NCOA2: variants seen among roughly 807,000 people sequenced by gnomAD.
The protein encoded by NCOA2 is class E basic helix-loop-helix protein 75.
NCOA2 carries 21 observed loss-of-function variants against 145.1 expected under a neutral mutation model. That is an observed-to-expected ratio of 0.14 (90% CI 0.10 to 0.21). The LOEUF is 0.21. NCOA2 is among the 10% of genes least tolerant of loss of function. The probability of loss-of-function intolerance (pLI) is 1.00; values close to 1 mark genes in which losing one functional copy is unlikely to be tolerated. For missense variants in NCOA2, 1,472 were observed against 1,837.6 expected (o/e 0.80, Z 3.64); for synonymous variants, 619 against 637.5 (o/e 0.97, Z 0.44).
the NCOA2 span, among the ~76,000 whole-genome samples, chr8:70,428,654 T>TA: frequency 5.9e-5 from 9 of 152,064 alleles, no homozygotes; most frequent in Admixed American, 6.6e-5. Flanking sequence ...TGCTGTTATC[T>TA]AAAAAAATTG....
At chr8:70,451,162 A>G in the NCOA2 span, among the ~76,000 whole-genome samples, 1,037 of 140,958 alleles carry the variant, frequency 7.4e-3, 15 homozygotes, top group African/African-American at 0.026. Context: ...AGCTTGCAGT[A>G]AGCTGAGATC....
intron 13 of NCOA2, among the ~76,000 whole-genome samples, chr8:70,142,627 A>G (rs537359748): frequency 6.6e-6 from 1 of 152,274 alleles, no homozygotes; most frequent in South Asian, 2.1e-4. Flanking sequence ...TGAGCCTGGG[A>G]GGTTGAAGCT....
At chr8:70,183,286 T>G (rs73684206) in intron 4 of NCOA2, among the ~76,000 whole-genome samples, 3,451 of 152,284 alleles carry the variant, frequency 0.023, 128 homozygotes, top group African/African-American at 0.079. Context: ...TTCAGAAGAT[T>G]ATGAGTAAGC....
intron 13 of NCOA2, 34 bp from the exon 14 acceptor site, chr8:70,141,433 G>A (rs1381850524): frequency 1.9e-6 from 3 of 1,571,882 alleles, no homozygotes; most frequent in Admixed American, 1.7e-5. Context: ...GAGAGATGCA[G>A]TAACTGAAAA....
At chr8:70,325,163 T>C (rs945279331) in intron 1 of NCOA2, among the ~76,000 whole-genome samples, 8 of 152,346 alleles carry the variant, frequency 5.3e-5, no homozygotes, top group Middle Eastern at 3.4e-3. Flanking sequence ...ATTGTTTCAC[T>C]GTTTACAGAA....
intron 4 of NCOA2, among the ~76,000 whole-genome samples, chr8:70,175,140 T>C (rs1814685072): frequency 6.6e-6 from 1 of 152,220 alleles, no homozygotes. Flanking sequence ...CAGGCATTTT[T>C]TTCTAGATTA....
At chr8:70,237,058 A>G (rs1210142568) in intron 2 of NCOA2, among the ~76,000 whole-genome samples, 2 of 152,242 alleles carry the variant, frequency 1.3e-5, no homozygotes, top group Non-Finnish European at 2.9e-5. Flanking sequence ...CTGATGCACA[A>G]GTACTTAATA....
chr8:70,407,612 C>A (rs533923207), upstream of NCOA2, among the ~76,000 whole-genome samples: 5 of 151,810 alleles, frequency 3.3e-5, no homozygotes, highest in East Asian at 1.9e-4. Flanking sequence ...CATGGTGAAA[C>A]CCCGTCTGTA....
chr8:70,179,664 A>G (rs1350002070), intron 4 of NCOA2, among the ~76,000 whole-genome samples: 2 of 152,206 alleles, frequency 1.3e-5, no homozygotes, highest in Non-Finnish European at 2.9e-5. Context: ...GTCACAAACT[A>G]TATTTACTTT....
chr8:70,116,499 T>C (rs1051951409), intron 22 of NCOA2, among the ~76,000 whole-genome samples: 11 of 148,414 alleles, frequency 7.4e-5, no homozygotes, highest in Non-Finnish European at 1.5e-4. Context: ...TGCAGTGAGC[T>C]AAGATCGCGC....
At chr8:70,127,593 G>A (rs1290852097) in intron 18 of NCOA2, among the ~76,000 whole-genome samples, 1 of 152,170 alleles carries the variant, frequency 6.6e-6, no homozygotes, top group East Asian at 1.9e-4. Context: ...TGGATGAAGG[G>A]AAGGGATCCC....
intron 1 of NCOA2, among the ~76,000 whole-genome samples, chr8:70,382,546 A>G (rs1812299422): frequency 6.6e-6 from 1 of 152,234 alleles, no homozygotes; most frequent in Non-Finnish European, 1.5e-5. Flanking sequence ...TTATCTAGAT[A>G]CAAACAGCAG....
chr8:70,203,341 C>T (rs144566387), intron 4 of NCOA2, among the ~76,000 whole-genome samples: 8 of 151,220 alleles, frequency 5.3e-5, no homozygotes, highest in African/African-American at 1.2e-4. Flanking sequence ...TCTGAAAATA[C>T]GTAAGTCTAA....
At position 70,174,519 on chromosome 8, in the gene NCOA2, T is replaced by C. The variant is rs150478423; in HGVS notation, c.363+237A>G. ...AAATGCTCAACTGGCAATTACAACT[T>C]GTCAATGTCTACTCTAATCTAGTTA... On this transcript the variant is annotated intron_variant, in intron 5 of 22. Coordinates refer to ENST00000452400, the MANE Select transcript of NCOA2 (RefSeq NM_006540.4). 3.8e-3 allele frequency among the ~76,000 whole-genome samples: 585 copies of C among 152,280 alleles called. 18 individuals are homozygous for C. Among genetic ancestry groups the C allele is most frequent in the Admixed American group, 0.037 (564 of 15,302 alleles).
intron 4 of NCOA2, among the ~76,000 whole-genome samples, chr8:70,209,739 A>G (rs1818820344): frequency 6.6e-6 from 1 of 152,222 alleles, no homozygotes; most frequent in Non-Finnish European, 1.5e-5. Context: ...TTTTTTAAAG[A>G]AGTAATACCA....
At chr8:70,336,238 G>A (rs1807576449) in intron 1 of NCOA2, among the ~76,000 whole-genome samples, 1 of 152,076 alleles carries the variant, frequency 6.6e-6, no homozygotes, top group Admixed American at 6.5e-5. Flanking sequence ...CTAGATGATA[G>A]GAATTTTTAA....
At chr8:70,272,869 A>T (rs1042036372) in intron 2 of NCOA2, among the ~76,000 whole-genome samples, 1 of 151,130 alleles carries the variant, frequency 6.6e-6, no homozygotes, top group African/African-American at 2.4e-5. Flanking sequence ...GTAATAATTT[A>T]ATATTTACAG....
intron 4 of NCOA2, among the ~76,000 whole-genome samples, chr8:70,202,311 T>C (rs756565641): frequency 2.0e-5 from 3 of 152,158 alleles, no homozygotes; most frequent in Non-Finnish European, 4.4e-5. Context: ...AGAATTACCA[T>C]GTATAAGCCA....
At chr8:70,439,643 G>A in the NCOA2 span, among the ~76,000 whole-genome samples, 1 of 146,622 alleles carries the variant, frequency 6.8e-6, no homozygotes, top group African/African-American at 2.6e-5. Flanking sequence ...ACATAGTACT[G>A]TAAGAAAATA....
Sources: gnomAD v4.1 joint callset for allele counts (sites outside exome capture counted in the v4.1 genomes callset) on GRCh38, gnomAD v4.1.1 for gene constraint, MANE v1.5 for transcripts, NCBI Gene and HGNC (gene_info 2026-07-23, HGNC 2026-07-21) for gene names.